GABRB1: variants seen among roughly 807,000 people sequenced by gnomAD.
GABRB1 encodes gamma-aminobutyric acid type A receptor subunit beta1, also known as gamma-aminobutyric acid receptor subunit beta-1.
GABRB1 carries 17 observed loss-of-function variants against 51.6 expected under a neutral mutation model. The ratio of observed to expected loss-of-function variants is 0.33; its 90% CI spans 0.23 to 0.49. The LOEUF (loss-of-function observed/expected upper bound fraction) is 0.49, where lower values mean the gene tolerates loss of function less well. GABRB1 is among the 20% of genes least tolerant of loss of function. GABRB1 has a pLI of 0.99. For synonymous variants in GABRB1, 247 were observed against 218.9 expected (o/e 1.13, Z -1.14); for missense variants, 410 against 600.6 (o/e 0.68, Z 3.32).
At chr4:47,181,191 A>G (rs1489475301) in intron 4 of GABRB1, among the ~76,000 whole-genome samples, 1 of 151,852 alleles carries the variant, frequency 6.6e-6, no homozygotes, top group African/African-American at 2.4e-5. Flanking sequence ...GAGTTCATTT[A>G]TGTTTCTTAA....
At chr4:47,384,841 G>T (rs549781103) in intron 5 of GABRB1, among the ~76,000 whole-genome samples, 80 of 152,066 alleles carry the variant, frequency 5.3e-4, no homozygotes, top group Non-Finnish European at 1.1e-3. Flanking sequence ...TCTACACTAG[G>T]CCTGATTTTG....
At chr4:47,193,404 G>A (rs909464539) in intron 4 of GABRB1, among the ~76,000 whole-genome samples, 1 of 152,190 alleles carries the variant, frequency 6.6e-6, no homozygotes, top group Non-Finnish European at 1.5e-5. Context: ...ACAGGCGTGA[G>A]CCACTGCACC....
At chr4:47,232,044 TA>T (rs1721161666) in intron 4 of GABRB1, among the ~76,000 whole-genome samples, 1 of 152,220 alleles carries the variant, frequency 6.6e-6, no homozygotes, top group Admixed American at 6.5e-5. Context: ...GAGCAAGCTG[TA>T]AATATGACTT....
In GABRB1 at chr4:47,080,301, A is replaced by G. The variant is rs57769247; in HGVS notation, c.240+47817A>G. ...GTGGCAGATCCCAAAGAATGAAGAAAAAAAAAAAAAGAAGTAGGGTCCTGT... is the reference window on the plus strand; with the variant it reads ...GTGGCAGATCCCAAAGAATGAAGAAGAAAAAAAAAAGAAGTAGGGTCCTGT... On this transcript the variant is annotated intron_variant, in intron 3 of 8. Transcript: ENST00000295454. Among the ~76,000 whole-genome samples, 407 of 151,850 alleles carry G rather than the reference A, an allele frequency of 2.7e-3. 2 individuals are homozygous for G. Among genetic ancestry groups the G allele is most frequent in the African/African-American group, 9.6e-3 (398 of 41,386 alleles).
At chr4:47,029,548 G>T (rs1329507120), upstream of GABRB1, among the ~76,000 whole-genome samples, 1 of 151,748 alleles carries the variant, frequency 6.6e-6, no homozygotes, top group African/African-American at 2.4e-5. Context: ...TTTAAAGAAG[G>T]TTACATTTTA....
chr4:47,291,055 A>T (rs951412090), intron 4 of GABRB1, among the ~76,000 whole-genome samples: 1 of 152,204 alleles, frequency 6.6e-6, no homozygotes, highest in Non-Finnish European at 1.5e-5. Context: ...AGAGGTCTTC[A>T]TGGCAGCCCC....
intron 4 of GABRB1, among the ~76,000 whole-genome samples, chr4:47,280,035 A>G (rs1723224559): frequency 6.6e-6 from 1 of 151,300 alleles, no homozygotes; most frequent in South Asian, 2.1e-4. Flanking sequence ...CATTTTGTTA[A>G]TTGTTTCTGG....
At chr4:47,280,853 C>T (rs1330736348) in intron 4 of GABRB1, among the ~76,000 whole-genome samples, 2 of 136,334 alleles carry the variant, frequency 1.5e-5, no homozygotes, top group Non-Finnish European at 3.1e-5. Context: ...ATGAGTCTTG[C>T]TAAATTGCCA....
At chr4:47,169,748 C>T (rs1224255796) in intron 4 of GABRB1, among the ~76,000 whole-genome samples, 6 of 152,088 alleles carry the variant, frequency 3.9e-5, no homozygotes, top group South Asian at 2.1e-4. Flanking sequence ...GTGATCCCCC[C>T]GCCTTGACCT....
chr4:47,167,844 C>T (rs1276108049), intron 4 of GABRB1, among the ~76,000 whole-genome samples: 2 of 152,148 alleles, frequency 1.3e-5, no homozygotes, highest in East Asian at 1.9e-4. Context: ...CTACCAGATG[C>T]AGCTCCCTAG....
intron 4 of GABRB1, among the ~76,000 whole-genome samples, chr4:47,243,560 C>T (rs530923088): frequency 2.1e-4 from 32 of 152,246 alleles, no homozygotes; most frequent in South Asian, 4.1e-4. Flanking sequence ...TCTTTTATTT[C>T]GTTGAGCCAT....
intron 4 of GABRB1, among the ~76,000 whole-genome samples, chr4:47,235,034 A>G (rs1027309759): frequency 6.6e-6 from 1 of 152,162 alleles, no homozygotes; most frequent in Non-Finnish European, 1.5e-5. Context: ...GGAATACTCA[A>G]TATTTCGGCC....
At chr4:47,019,625 C>T (rs777660603) in intron 1 of GABRB1, among the ~76,000 whole-genome samples, 2 of 91,062 alleles carry the variant, frequency 2.2e-5, no homozygotes, top group Admixed American at 1.3e-4. Context: ...TTCTTTCTCT[C>T]TCTTTCTTTC....
intron 1 of GABRB1, among the ~76,000 whole-genome samples, chr4:47,018,546 C>T (rs1218008890): frequency 6.6e-6 from 1 of 152,108 alleles, no homozygotes; most frequent in Admixed American, 6.6e-5. Flanking sequence ...AGTTGAAAAT[C>T]CATGTGTAAT....
chr4:47,356,915 C>G (rs1047550489), intron 5 of GABRB1, among the ~76,000 whole-genome samples: 1 of 152,086 alleles, frequency 6.6e-6, no homozygotes, highest in African/African-American at 2.4e-5. Context: ...TATTACAAGA[C>G]ATATGTTTTG....
intron 4 of GABRB1, among the ~76,000 whole-genome samples, chr4:47,212,667 AG>A (rs1720408878): frequency 1.3e-5 from 2 of 152,154 alleles, no homozygotes; most frequent in African/African-American, 4.8e-5. Flanking sequence ...TGACAGAGTG[AG>A]ACACTGTCTC....
In GABRB1 at chr4:47,031,670, CGA is replaced by C; in HGVS notation, c.25_26del (p.Leu10GlyfsTer20). On this transcript the variant is annotated frameshift_variant, in exon 1 of 9. Coordinates refer to ENST00000295454, the MANE Select transcript of GABRB1 (RefSeq NM_000812.4). LOFTEE classifies it high-confidence loss of function. The stretch of plus-strand genomic sequence containing the variant: ...GTTAGTAATGTGGACAGTACAAAAT[CGA>C]GAGAGTCTGGGGCTTCTCTCTTTCC... MWTVQN[R>X]ESLGLLSFPV... The C allele has an allele frequency of 6.2e-7, 1 of 1,613,032 alleles. No individual in the cohort carries two copies.
chr4:47,185,603 A>G (rs1719144645), intron 4 of GABRB1, among the ~76,000 whole-genome samples: 1 of 151,824 alleles, frequency 6.6e-6, no homozygotes, highest in South Asian at 2.1e-4. Context: ...GAGCGATGGA[A>G]TCATTCAAAA....
chr4:47,022,819 T>C (rs1724965343), intron 1 of GABRB1, among the ~76,000 whole-genome samples: 1 of 152,122 alleles, frequency 6.6e-6, no homozygotes, highest in African/African-American at 2.4e-5. Flanking sequence ...ATCCCATTGC[T>C]AGGTATTTAT....
Sources: allele counts gnomAD v4.1 joint callset (sites outside exome capture counted in the v4.1 genomes callset), GRCh38; gene constraint gnomAD v4.1.1; transcripts MANE v1.5; gene names NCBI Gene and HGNC (gene_info 2026-07-23, HGNC 2026-07-21).